Variants in TPRG1 observed in about 807,000 individuals in gnomAD.
TPRG1 encodes tumor protein p63 regulated 1, also known as tumor protein p63-regulated gene 1 protein.
Under a neutral mutation model 29.3 loss-of-function variants are expected in TPRG1, and 29 were observed. The ratio of observed to expected loss-of-function variants is 0.99; its 90% CI spans 0.74 to 1.35. The LOEUF is 1.35. Ranked by LOEUF, TPRG1 falls within the 40% of genes most tolerant of loss-of-function variation. The pLI is 0.00. For synonymous variants in TPRG1, 130 were observed against 116.8 expected, an observed-to-expected ratio of 1.11 and a Z score of -0.73; for missense variants, 327 against 335.0, an observed-to-expected ratio of 0.98 and a Z score of 0.19.
chr3:189,296,476 A>G (rs1719936644), intron 4 of TPRG1, among the ~76,000 whole-genome samples: 2 of 152,360 alleles, frequency 1.3e-5, no homozygotes, highest in African/African-American at 4.8e-5. Flanking sequence ...TTATACACAG[A>G]CATACACAAT....
At chr3:189,207,039 AC>A (rs1440900603) in intron 1 of TPRG1, 1 of 344,630 alleles carries the variant, frequency 2.9e-6, no homozygotes, top group Non-Finnish European at 4.1e-6. Context: ...TGAATTTTCA[AC>A]CAAAAATGCT....
intron 3 of TPRG1, among the ~76,000 whole-genome samples, chr3:189,222,095 A>T (rs567416389): frequency 6.6e-6 from 1 of 152,118 alleles, no homozygotes; most frequent in East Asian, 1.9e-4. Flanking sequence ...TCAGGGGTTC[A>T]TTGGGCAGGT....
intron 3 of TPRG1, among the ~76,000 whole-genome samples, chr3:189,142,692 A>T (rs1282604606): frequency 6.6e-6 from 1 of 152,190 alleles, no homozygotes; most frequent in Admixed American, 6.5e-5. Flanking sequence ...GGAAGGTTTC[A>T]CCCAAAGGTG....
chr3:189,262,230 A>T (rs1713208911), intron 4 of TPRG1, among the ~76,000 whole-genome samples: 1 of 151,764 alleles, frequency 6.6e-6, no homozygotes, highest in Non-Finnish European at 1.5e-5. Context: ...AAGTATAAGT[A>T]TAAGTATAAG....
chr3:188,999,369 G>A (rs1711929118), intron 1 of TPRG1, among the ~76,000 whole-genome samples: 1 of 152,150 alleles, frequency 6.6e-6, no homozygotes, highest in South Asian at 2.1e-4. Context: ...AGCACTCATG[G>A]CATGCCTACA....
intron 4 of TPRG1, among the ~76,000 whole-genome samples, chr3:189,060,246 GAAAC>G (rs755732030): frequency 2.6e-4 from 40 of 152,000 alleles, no homozygotes; most frequent in Non-Finnish European, 1.0e-4. Context: ...AACAAACAAA[GAAAC>G]AAACAAAAAA....
At chr3:189,088,373 G>C (rs1337394521) in intron 4 of TPRG1, among the ~76,000 whole-genome samples, 1 of 152,146 alleles carries the variant, frequency 6.6e-6, no homozygotes, top group Admixed American at 6.5e-5. Flanking sequence ...GACTGCTAAA[G>C]TTGCTTATCA....
intron 4 of TPRG1, among the ~76,000 whole-genome samples, chr3:189,281,107 A>G (rs1289955177): frequency 2.0e-5 from 3 of 152,218 alleles, no homozygotes; most frequent in Non-Finnish European, 2.9e-5. Flanking sequence ...CTTTACATAC[A>G]TTAACTCATT....
intron 3 of TPRG1, among the ~76,000 whole-genome samples, chr3:189,006,167 C>T (rs896054787): frequency 7.2e-5 from 11 of 152,008 alleles, no homozygotes; most frequent in African/African-American, 2.2e-4. Flanking sequence ...TGCAGCTTCC[C>T]GATCACTAAG....
chr3:189,070,567 A>T lies in TPRG1; in HGVS notation c.-463+46621A>T, dbSNP rs756155810. Among the ~76,000 whole-genome samples, 75 of 152,322 alleles carry T rather than the reference A, an allele frequency of 4.9e-4. 2 individuals carry two copies. The highest frequency in any genetic ancestry group is 4.2e-3 in the Admixed American group (65 of 15,298). Reference sequence around the variant, plus strand: ...AGAAACTGGGTAAGGTTTCTTAAGGATATATGTATTATTTCTCACAATTGC... The same window carrying T: ...AGAAACTGGGTAAGGTTTCTTAAGGTTATATGTATTATTTCTCACAATTGC... On this transcript the variant is annotated intron_variant, in intron 4 of 10. Coordinates refer to the TPRG1 transcript ENST00000433971.
chr3:189,212,780 T>TA (rs757170698), intron 2 of TPRG1, among the ~76,000 whole-genome samples: 20 of 152,194 alleles, frequency 1.3e-4, no homozygotes, highest in Middle Eastern at 3.2e-3. Flanking sequence ...CATTCTTTTC[T>TA]ATACCACTCC....
chr3:189,278,835 C>T (rs960840833), intron 4 of TPRG1, among the ~76,000 whole-genome samples: 1 of 152,154 alleles, frequency 6.6e-6, no homozygotes, highest in Non-Finnish European at 1.5e-5. Flanking sequence ...TCCATCACCC[C>T]CTTGCTAAAA....
intron 4 of TPRG1, chr3:189,309,825 C>T (rs566381106): frequency 1.3e-5 from 2 of 152,198 alleles, no homozygotes; most frequent in Non-Finnish European, 2.9e-5. Flanking sequence ...TTTGTTGCTG[C>T]AATTTCACTG....
At chr3:189,240,281 A>G (rs1740321373) in intron 4 of TPRG1, 1 of 152,126 alleles carries the variant, frequency 6.6e-6, no homozygotes, top group Non-Finnish European at 1.5e-5. Context: ...TATTACAAAA[A>G]TGTTCATTTT....
chr3:189,300,313 A>G (rs746709008), intron 4 of TPRG1, among the ~76,000 whole-genome samples: 14 of 152,240 alleles, frequency 9.2e-5, no homozygotes, highest in Non-Finnish European at 2.1e-4. Flanking sequence ...GGTAAGAACT[A>G]GACATAATGT....
intron 1 of TPRG1, among the ~76,000 whole-genome samples, chr3:189,101,885 G>A (rs951319465): frequency 4.0e-5 from 6 of 151,886 alleles, no homozygotes; most frequent in South Asian, 2.1e-4. Context: ...AGATTTTTAC[G>A]TACATCTTTT....
intron 4 of TPRG1, among the ~76,000 whole-genome samples, chr3:189,294,900 T>TGCGCA (rs1283001856): frequency 6.6e-6 from 1 of 152,090 alleles, no homozygotes; most frequent in Non-Finnish European, 1.5e-5. Context: ...ATGTGCACAA[T>TGCGCA]GCGCAGGTTT....
At chr3:189,010,194 C>T (rs1712523699) in intron 3 of TPRG1, among the ~76,000 whole-genome samples, 1 of 152,070 alleles carries the variant, frequency 6.6e-6, no homozygotes, top group South Asian at 2.1e-4. Flanking sequence ...CAGTCTATCA[C>T]TGATGGACAT....
intron 4 of TPRG1, among the ~76,000 whole-genome samples, chr3:189,026,869 C>A (rs1713690580): frequency 6.6e-6 from 1 of 152,132 alleles, no homozygotes; most frequent in Admixed American, 6.5e-5. Flanking sequence ...AGGTAGGAGG[C>A]AACATGGCGT....
Sources: allele counts gnomAD v4.1 joint callset (sites outside exome capture counted in the v4.1 genomes callset), GRCh38; gene constraint gnomAD v4.1.1; transcripts MANE v1.5; gene names NCBI Gene and HGNC (gene_info 2026-07-23, HGNC 2026-07-21).